The following SPOCK3 variants were observed in gnomAD, a reference collection of about 807,000 sequenced individuals.
The protein encoded by SPOCK3 is SPARC (osteonectin), cwcv and kazal like domains proteoglycan 3, also known as testican-3.
SPOCK3 carries 30 observed loss-of-function variants against 56.6 expected under a neutral mutation model. That is an observed-to-expected ratio of 0.53 (90% CI 0.40 to 0.72). The LOEUF (loss-of-function observed/expected upper bound fraction) is 0.72. SPOCK3 is among the 30% of genes least tolerant of loss of function. The probability of loss-of-function intolerance (pLI) is 0.00; values close to 1 mark genes in which losing one functional copy is unlikely to be tolerated. For synonymous variants in SPOCK3, 196 were observed against 183.3 expected, an observed-to-expected ratio of 1.07 and a Z score of -0.56; for missense variants, 527 against 530.0, an observed-to-expected ratio of 0.99 and a Z score of 0.06.
At chr4:166,755,092 C>T (rs1166931788) in intron 7 of SPOCK3, among the ~76,000 whole-genome samples, 1 of 152,072 alleles carries the variant, frequency 6.6e-6, no homozygotes, top group East Asian at 1.9e-4. Context: ...TATTTTAAAA[C>T]ATCCTATGAA....
At chr4:166,939,302 T>C (rs1740794372) in intron 4 of SPOCK3, among the ~76,000 whole-genome samples, 1 of 152,158 alleles carries the variant, frequency 6.6e-6, no homozygotes, top group African/African-American at 2.4e-5. Context: ...TTCTTTTTTT[T>C]CATTTATTCT....
chr4:167,038,115 T>C (rs1368927459), intron 3 of SPOCK3, among the ~76,000 whole-genome samples: 1 of 152,094 alleles, frequency 6.6e-6, no homozygotes. Context: ...AAATAGTCAC[T>C]GCATTCCTAT....
chr4:167,160,201 T>C (rs1199354730), intron 2 of SPOCK3, among the ~76,000 whole-genome samples: 2 of 152,108 alleles, frequency 1.3e-5, no homozygotes, highest in African/African-American at 4.8e-5. Flanking sequence ...AGTCTCAGGA[T>C]ACAAAATCAA....
intron 4 of SPOCK3, among the ~76,000 whole-genome samples, chr4:166,993,921 A>C (rs1356142929): frequency 6.6e-6 from 1 of 152,194 alleles, no homozygotes; most frequent in East Asian, 1.9e-4. Flanking sequence ...AGAGGGAGAT[A>C]CATAGTATAA....
rs568551105 is a variant in SPOCK3, at chr4:167,228,840, T to A, written c.189+5145A>T. Among the ~76,000 whole-genome samples, 29 of 152,240 alleles carry A rather than the reference T, an allele frequency of 1.9e-4. No individual in the cohort carries two copies. In the South Asian group the frequency reaches 5.8e-3, roughly 30 times the overall value. ...CTCTCCATTAAATCTCCCCATGATT[T>A]AAACAATATGAATAATAGTCCAATA... On this transcript the variant is annotated intron_variant, in intron 2 of 10. Transcript: ENST00000357545.
At chr4:167,100,500 C>CAT (rs1219182222) in intron 2 of SPOCK3, among the ~76,000 whole-genome samples, 1 of 150,926 alleles carries the variant, frequency 6.6e-6, no homozygotes, top group East Asian at 1.9e-4. Context: ...CACACACACA[C>CAT]ACACAACCCT....
intron 3 of SPOCK3, among the ~76,000 whole-genome samples, chr4:167,057,481 C>T (rs1174316470): frequency 6.6e-6 from 1 of 151,656 alleles, no homozygotes; most frequent in Non-Finnish European, 1.5e-5. Flanking sequence ...AATTAAAAGA[C>T]ACAGACTGGC....
chr4:166,956,733 C>T (rs907473261), intron 4 of SPOCK3, among the ~76,000 whole-genome samples: 19 of 152,116 alleles, frequency 1.2e-4, no homozygotes, highest in Admixed American at 1.2e-3. Context: ...CCCACTCCCT[C>T]TCATACCCAA....
chr4:167,050,654 T>A (rs888217958), intron 3 of SPOCK3, among the ~76,000 whole-genome samples: 1 of 152,252 alleles, frequency 6.6e-6, no homozygotes, highest in Admixed American at 6.5e-5. Context: ...TAAGTGTCTA[T>A]GGATAGATGA....
In SPOCK3 at chr4:166,821,756, A is replaced by G. The variant is rs577103490; in HGVS notation, c.590-29467T>C. On this transcript the variant is annotated intron_variant, in intron 6 of 10. Coordinates refer to ENST00000357545, the MANE Select transcript of SPOCK3 (RefSeq NM_001040159.2). ...CCAGGAGATGGAGATGGGAATTAAC[A>G]ATGTCTACAAATAAGCATGAGGTTT... Among the ~76,000 whole-genome samples the G allele has an allele frequency of 2.0e-5, 3 of 152,164 alleles. No homozygotes were observed. In the South Asian group the frequency reaches 6.2e-4, roughly 32 times the overall value.
chr4:166,918,338 A>T (rs967027619), intron 4 of SPOCK3: 1 of 152,320 alleles, frequency 6.6e-6, no homozygotes, highest in Non-Finnish European at 1.5e-5. Context: ...AAATATCATA[A>T]GAAATAAATT....
At chr4:166,740,824 C>A (rs1734769701) in intron 9 of SPOCK3, among the ~76,000 whole-genome samples, 1 of 152,092 alleles carries the variant, frequency 6.6e-6, no homozygotes, top group African/African-American at 2.4e-5. Context: ...CTGTACCCAG[C>A]CAGAATGTAT....
chr4:166,816,757 T>A (rs765840620), intron 6 of SPOCK3, among the ~76,000 whole-genome samples: 6 of 151,866 alleles, frequency 4.0e-5, no homozygotes, highest in Non-Finnish European at 8.8e-5. Flanking sequence ...ACCACAGAAG[T>A]AAGAAACAAA....
intron 8 of SPOCK3, 179 bp downstream of exon 8, chr4:166,754,329 G>A (rs1736785848): frequency 2.2e-6 from 3 of 1,349,116 alleles, no homozygotes; most frequent in Non-Finnish European, 2.9e-6. Flanking sequence ...AGCATGTGTT[G>A]TATCTCTGGC....
intron 7 of SPOCK3, among the ~76,000 whole-genome samples, chr4:166,787,669 C>T (rs1021207209): frequency 3.3e-5 from 5 of 152,060 alleles, no homozygotes; most frequent in African/African-American, 1.2e-4. Context: ...CTAAGAATAA[C>T]TCTGTTTTAA....
intron 6 of SPOCK3, among the ~76,000 whole-genome samples, chr4:166,814,442 T>G (rs1744181963): frequency 6.6e-6 from 1 of 151,936 alleles, no homozygotes; most frequent in African/African-American, 2.4e-5. Context: ...CCTCATTAGG[T>G]GGGTGGGAAT....
intron 2 of SPOCK3, among the ~76,000 whole-genome samples, chr4:167,069,609 T>C (rs897620282): frequency 6.6e-6 from 1 of 151,868 alleles, no homozygotes; most frequent in South Asian, 2.1e-4. Context: ...AAATAAAATA[T>C]ACAAGATCTT....
chr4:166,987,167 T>G (rs1484880111), intron 4 of SPOCK3, among the ~76,000 whole-genome samples: 1 of 152,190 alleles, frequency 6.6e-6, no homozygotes, highest in Non-Finnish European at 1.5e-5. Context: ...GTTTTGGACC[T>G]GATATCTTAC....
chr4:167,018,048 T>C (rs1750810176), intron 3 of SPOCK3, among the ~76,000 whole-genome samples: 1 of 152,102 alleles, frequency 6.6e-6, no homozygotes, highest in Non-Finnish European at 1.5e-5. Flanking sequence ...CCAAATACTA[T>C]AGACTAAGTA....
Sources: gnomAD v4.1 joint callset for allele counts (sites outside exome capture counted in the v4.1 genomes callset) on GRCh38, gnomAD v4.1.1 for gene constraint, MANE v1.5 for transcripts, NCBI Gene and HGNC (gene_info 2026-07-23, HGNC 2026-07-21) for gene names.